The following PDE8B variants were observed in gnomAD, a reference collection of about 807,000 sequenced individuals.
PDE8B encodes the protein high affinity cAMP-specific and IBMX-insensitive 3',5'-cyclic phosphodiesterase 8B.
PDE8B carries 26 observed loss-of-function variants against 101.3 expected under a neutral mutation model. The observed-to-expected ratio is 0.26, with a 90% confidence interval of 0.19 to 0.36. PDE8B has a LOEUF of 0.36. PDE8B is among the 10% of genes least tolerant of loss of function. The pLI is 1.00. For missense variants in PDE8B, 810 were observed against 1,163.1 expected (o/e 0.70, Z 4.42); for synonymous variants, 424 against 429.3 (o/e 0.99, Z 0.15).
At chr5:77,154,136 TGGGA>T in the PDE8B span, among the ~76,000 whole-genome samples, 1 of 152,348 alleles carries the variant, frequency 6.6e-6, no homozygotes, top group Middle Eastern at 3.4e-3. Context: ...TTGTTCAAAA[TGGGA>T]GGCCAAGTGA....
intron 1 of PDE8B, among the ~76,000 whole-genome samples, chr5:77,258,910 G>A (rs546909089): frequency 9.2e-5 from 14 of 152,184 alleles, no homozygotes; most frequent in South Asian, 2.1e-4. Context: ...CTGGGCAGGG[G>A]CAGTGAGAGG....
At chr5:77,112,907 C>G in the PDE8B span, 9 of 152,168 alleles carry the variant, frequency 5.9e-5, no homozygotes, top group Non-Finnish European at 1.2e-4. Flanking sequence ...TGACTGCCCT[C>G]CCATTCACGA....
chr5:77,412,399 C>A (rs1008666067), intron 16 of PDE8B, among the ~76,000 whole-genome samples, 164 bp downstream of exon 16: 1 of 152,062 alleles, frequency 6.6e-6, no homozygotes, highest in Non-Finnish European at 1.5e-5. Context: ...AGACTATGGC[C>A]CCTGAGTGAG....
the PDE8B span, among the ~76,000 whole-genome samples, chr5:77,138,001 A>G: frequency 2.6e-5 from 4 of 152,278 alleles, no homozygotes; most frequent in East Asian, 7.7e-4. Flanking sequence ...TTAGGTTGGT[A>G]CAAAAGTAAT....
chr5:77,382,472 TGCAGAATGTGCAG>T (rs1467038629), intron 10 of PDE8B, among the ~76,000 whole-genome samples: 3 of 152,214 alleles, frequency 2.0e-5, no homozygotes, highest in Non-Finnish European at 4.4e-5. Flanking sequence ...GGGGTACATG[TGCAGAATGTGCAG>T]ATTTGTTACA....
chr5:77,290,142 TG>T, intron 1 of PDE8B: 1 of 1,250,354 alleles, frequency 8.0e-7, no homozygotes, highest in Non-Finnish European at 1.1e-6. Context: ...GTTCCACGTG[TG>T]GAAAATGAAT....
Position 77,217,129 on chromosome 5 carries a change from T to G in PDE8B, c.339+5865T>G, listed in dbSNP as rs186448353. Among the ~76,000 whole-genome samples, 137 of 152,324 alleles carry G rather than the reference T, an allele frequency of 9.0e-4. 1 individual carries two copies. Among genetic ancestry groups the G allele is most frequent in the Middle Eastern group, 6.8e-3 (2 of 294 alleles). ...CGAACTTATTGCTGTAAACATATCC[T>G]TCTCTTCAGTTCATTCTGTCCCCTG... On this transcript the variant is annotated intron_variant, in intron 1 of 21. Transcript: ENST00000264917.
intron 1 of PDE8B, among the ~76,000 whole-genome samples, chr5:77,249,758 C>A (rs1242150690): frequency 6.6e-6 from 1 of 152,224 alleles, no homozygotes; most frequent in Non-Finnish European, 1.5e-5. Context: ...TTACCTGAAG[C>A]ATGCCACTTA....
chr5:77,359,986 G>A (rs1223389847), intron 10 of PDE8B, among the ~76,000 whole-genome samples: 1 of 151,858 alleles, frequency 6.6e-6, no homozygotes, highest in Admixed American at 6.6e-5. Context: ...AGCTACTTGG[G>A]AGGCTGAGGC....
In PDE8B at chr5:77,326,420, G is replaced by A. The variant is rs1404815136; in HGVS notation, c.590+691G>A. ...CCAAGACAGAGTCCAGTTGCATGGG[G>A]AGCTGGAATTTTCTTGAATGTTAGT... On this transcript the variant is annotated intron_variant, in intron 3 of 21. Transcript: ENST00000264917. 2.0e-5 allele frequency among the ~76,000 whole-genome samples: 3 copies of A among 152,178 alleles called. No individual in the cohort carries two copies. The East Asian group carries it at 5.8e-4, about 29-fold the overall frequency.
chr5:77,219,472 A>G lies in PDE8B; in HGVS notation c.339+8208A>G, dbSNP rs114682904. On this transcript the variant is annotated intron_variant, in intron 1 of 21. Coordinates refer to ENST00000264917, the MANE Select transcript of PDE8B (RefSeq NM_003719.5). ...CCCAGGGTACCATATGAAGAAAAAGATGCCGTTCTGACGTCAGAACCACAA... is the reference window on the plus strand; with the variant it reads ...CCCAGGGTACCATATGAAGAAAAAGGTGCCGTTCTGACGTCAGAACCACAA... Among the ~76,000 whole-genome samples, 575 of 152,280 alleles carry G rather than the reference A, an allele frequency of 3.8e-3. 2 individuals carry two copies. Among genetic ancestry groups the G allele is most frequent in the African/African-American group, 0.013 (545 of 41,544 alleles).
the PDE8B span, among the ~76,000 whole-genome samples, chr5:77,116,220 A>T: frequency 3.7e-4 from 28 of 75,896 alleles, no homozygotes; most frequent in African/African-American, 1.9e-3. Context: ...ATATATATAT[A>T]TATATTTTTT....
chr5:77,225,519 T>A (rs951257658), intron 1 of PDE8B, among the ~76,000 whole-genome samples: 2 of 152,168 alleles, frequency 1.3e-5, no homozygotes, highest in African/African-American at 4.8e-5. Context: ...CCATTCCCTG[T>A]CTCTGATCTA....
chr5:77,162,026 C>A, the PDE8B span, among the ~76,000 whole-genome samples: 2 of 150,790 alleles, frequency 1.3e-5, no homozygotes, highest in African/African-American at 4.9e-5. Context: ...GTATGTAGTA[C>A]ATTTCCTAAA....
chr5:77,273,008 A>G (rs1763102938), intron 1 of PDE8B, among the ~76,000 whole-genome samples: 1 of 152,248 alleles, frequency 6.6e-6, no homozygotes, highest in African/African-American at 2.4e-5. Flanking sequence ...ACGGAGGAGA[A>G]AGAAGACAAG....
intron 20 of PDE8B, among the ~76,000 whole-genome samples, chr5:77,425,271 A>AGGCTTGGGGCCAGGCACAGT (rs1797792025): frequency 6.6e-6 from 1 of 152,226 alleles, no homozygotes; most frequent in Non-Finnish European, 1.5e-5. Context: ...ACATAGAAAG[A>AGGCTTGGGGCCAGGCACAGT]GGCTTGGGGC....
intron 10 of PDE8B, among the ~76,000 whole-genome samples, chr5:77,362,742 C>T (rs1783352595): frequency 6.6e-6 from 1 of 152,232 alleles, no homozygotes; most frequent in Non-Finnish European, 1.5e-5. Context: ...TTGTAGTTCT[C>T]TGGACATGCC....
At chr5:77,144,653 C>T in the PDE8B span, 1 of 151,568 alleles carries the variant, frequency 6.6e-6, no homozygotes, top group Non-Finnish European at 1.5e-5. Flanking sequence ...GAGAGATGAC[C>T]TAGCAAAAGA....
At position 77,427,797 on chromosome 5, in the gene PDE8B, T is replaced by TG. The variant is rs1188516020; in HGVS notation, c.*1244dup. On this transcript the variant is annotated 3_prime_UTR_variant, in exon 22 of 22. Transcript: ENST00000264917. ...CTCTTTTACCAGCTGATCCTTCCTA[T>TG]GTATTATAAATATTAGACTCCGTAA... 1 of 152,188 alleles carries TG rather than the reference T, an allele frequency of 6.6e-6. No homozygotes were observed. Among genetic ancestry groups the TG allele is most frequent in the Non-Finnish European group, 1.5e-5 (1 of 68,030 alleles). 9.4% of individuals were successfully genotyped at this position (152,188 alleles called of 1,614,324 possible).
Sources: gnomAD v4.1 joint callset for allele counts (sites outside exome capture counted in the v4.1 genomes callset) on GRCh38, gnomAD v4.1.1 for gene constraint, MANE v1.5 for transcripts, NCBI Gene and HGNC (gene_info 2026-07-23, HGNC 2026-07-21) for gene names.